Variants in MAML2 observed in about 807,000 individuals in gnomAD.
MAML2 encodes mastermind-like protein 2.
Under a neutral mutation model 96.1 loss-of-function variants are expected in MAML2, and 22 were observed. The observed-to-expected ratio is 0.23, with a 90% CI of 0.16 to 0.33. The LOEUF is 0.33. Among genes scored for constraint, MAML2 ranks in the 10% least tolerant of loss-of-function variants. MAML2 has a pLI of 1.00. For synonymous variants in MAML2, 561 were observed against 521.3 expected (o/e 1.08, Z -1.04); for missense variants, 1,367 against 1,392.4 (o/e 0.98, Z 0.29).
chr11:96,204,739 C>T (rs1019425005), intron 1 of MAML2, among the ~76,000 whole-genome samples: 3 of 152,216 alleles, frequency 2.0e-5, no homozygotes, highest in Admixed American at 2.0e-4. Flanking sequence ...TAAGTTCATA[C>T]AGCCACTTAG....
At chr11:96,191,703 C>A (rs930336088) in intron 1 of MAML2, among the ~76,000 whole-genome samples, 1 of 132,788 alleles carries the variant, frequency 7.5e-6, no homozygotes, top group African/African-American at 2.9e-5. Flanking sequence ...TCCCAGGAGG[C>A]GGAGCTTGCA....
chr11:96,056,303 T>C (rs1024804814), intron 2 of MAML2, among the ~76,000 whole-genome samples: 10 of 151,072 alleles, frequency 6.6e-5, no homozygotes, highest in Non-Finnish European at 1.2e-4. Flanking sequence ...AACTGAGCCA[T>C]TGGAAAGGAT....
chr11:96,059,239 C>G (rs544569621), intron 2 of MAML2, among the ~76,000 whole-genome samples: 1 of 152,278 alleles, frequency 6.6e-6, no homozygotes, highest in Non-Finnish European at 1.5e-5. Context: ...TTCTGCAAAA[C>G]TATGACTTAA....
chr11:96,021,969 C>G (rs1359230310), intron 2 of MAML2, among the ~76,000 whole-genome samples: 1 of 152,116 alleles, frequency 6.6e-6, no homozygotes, highest in African/African-American at 2.4e-5. Flanking sequence ...GTTCTTGAAA[C>G]AGAGTTCCTA....
intron 1 of MAML2, among the ~76,000 whole-genome samples, chr11:96,274,198 T>C (rs1862955276): frequency 6.6e-6 from 1 of 151,654 alleles, no homozygotes; most frequent in Non-Finnish European, 1.5e-5. Flanking sequence ...TTTTCCTGCG[T>C]GAGCCTTTCT....
intron 2 of MAML2, among the ~76,000 whole-genome samples, chr11:96,090,906 A>G (rs1473661870): frequency 1.3e-5 from 2 of 152,206 alleles, no homozygotes; most frequent in Non-Finnish European, 2.9e-5. Context: ...GTCCTGAGAT[A>G]ATTTTTTGAC....
intron 2 of MAML2, among the ~76,000 whole-genome samples, chr11:95,992,920 AC>A (rs908470637): frequency 6.6e-6 from 1 of 151,560 alleles, no homozygotes; most frequent in African/African-American, 2.4e-5. Context: ...TCACTCTATT[AC>A]CCAGGCTGGA....
intron 1 of MAML2, among the ~76,000 whole-genome samples, chr11:96,223,681 A>T (rs12417302): frequency 0.14 from 20,655 of 152,064 alleles, 1,682 homozygotes; most frequent in Non-Finnish European, 0.19. Flanking sequence ...TAATAAGCAT[A>T]GAACTCGATA....
rs73527588 is a variant in MAML2, at chr11:96,204,593, T to C, written c.514-111076A>G. Among the ~76,000 whole-genome samples the C allele has an allele frequency of 1.2e-3, 179 of 152,368 alleles. 1 individual carries two copies. Among genetic ancestry groups the C allele is most frequent in the African/African-American group, 4.1e-3 (172 of 41,584 alleles). ...CTGATTTATGGGCCTATAATTCTGA[T>C]ATATTTACATAGATAAAAGCATATG... On this transcript the variant is annotated intron_variant, in intron 1 of 4. Coordinates refer to ENST00000524717, the MANE Select transcript of MAML2 (RefSeq NM_032427.4).
chr11:96,277,055 T>A (rs1384068121), intron 1 of MAML2, among the ~76,000 whole-genome samples: 1 of 152,084 alleles, frequency 6.6e-6, no homozygotes, highest in East Asian at 1.9e-4. Context: ...GCATGAAAGA[T>A]AAGCTCAGAT....
intron 1 of MAML2, among the ~76,000 whole-genome samples, chr11:96,274,173 C>G (rs1479464952): frequency 1.3e-5 from 2 of 150,186 alleles, no homozygotes; most frequent in African/African-American, 2.5e-5. Context: ...AGCTCCGCCT[C>G]GCGGGTTCAC....
Position 96,014,058 on chromosome 11 carries a change from C to T in MAML2, c.2140-22335G>A, listed in dbSNP as rs564713679. On this transcript the variant is annotated intron_variant, in intron 2 of 4. Transcript: ENST00000524717. ...TCACCCCTAGACATGGCCGTGGGGT[C>T]GCAGCCCCACAGCCTGCCTGTATGT... 2.1e-3 allele frequency among the ~76,000 whole-genome samples: 313 copies of T among 152,228 alleles called. 1 individual carries two copies. Among genetic ancestry groups the T allele is most frequent in the Non-Finnish European group, 2.6e-3 (177 of 68,016 alleles).
At chr11:96,077,428 C>T (rs1001502061) in intron 2 of MAML2, among the ~76,000 whole-genome samples, 1 of 151,868 alleles carries the variant, frequency 6.6e-6, no homozygotes, top group Non-Finnish European at 1.5e-5. Flanking sequence ...ACTATGTTGG[C>T]CAGGCTGGTC....
At chr11:96,012,896 T>C (rs1436642136) in intron 2 of MAML2, among the ~76,000 whole-genome samples, 1 of 152,220 alleles carries the variant, frequency 6.6e-6, no homozygotes, top group Non-Finnish European at 1.5e-5. Flanking sequence ...AATTATAAAG[T>C]CAACTAATGC....
chr11:96,240,889 C>G (rs1188019115), intron 1 of MAML2, among the ~76,000 whole-genome samples: 1 of 152,142 alleles, frequency 6.6e-6, no homozygotes, highest in Non-Finnish European at 1.5e-5. Flanking sequence ...ATTAAGATGT[C>G]TAATTCTCCT....
chr11:96,269,471 A>C (rs1419234199), intron 1 of MAML2, among the ~76,000 whole-genome samples: 1 of 144,430 alleles, frequency 6.9e-6, no homozygotes, highest in Non-Finnish European at 1.5e-5. Flanking sequence ...AAGTATATAT[A>C]TAATCCATTA....
chr11:96,081,131 G>C (rs555869908), intron 2 of MAML2, among the ~76,000 whole-genome samples: 24 of 152,208 alleles, frequency 1.6e-4, no homozygotes, highest in Admixed American at 7.8e-4. Flanking sequence ...GTGAGGGAGT[G>C]GGGAGGAGGA....
At chr11:96,022,384 G>T (rs996334932) in intron 2 of MAML2, among the ~76,000 whole-genome samples, 2 of 152,152 alleles carry the variant, frequency 1.3e-5, no homozygotes, top group African/African-American at 4.8e-5. Flanking sequence ...ATGTGTATCT[G>T]CATCCAGAGA....
chr11:96,029,367 C>T (rs1256067419), intron 2 of MAML2, among the ~76,000 whole-genome samples: 1 of 151,816 alleles, frequency 6.6e-6, no homozygotes, highest in Non-Finnish European at 1.5e-5. Context: ...AAAATCTCTT[C>T]GATTTTTACA....
Sources: allele counts gnomAD v4.1 joint callset (sites outside exome capture counted in the v4.1 genomes callset), GRCh38; gene constraint gnomAD v4.1.1; transcripts MANE v1.5; gene names NCBI Gene and HGNC (gene_info 2026-07-23, HGNC 2026-07-21).